SRPK1: variants seen among roughly 807,000 people sequenced by gnomAD.
SRPK1 encodes the protein SRSF protein kinase 1.
A neutral mutation model predicts 89.5 loss-of-function variants in SRPK1; 52 were observed. That is an observed-to-expected ratio of 0.58 (90% CI 0.46 to 0.73). The LOEUF is 0.73. Ranked by LOEUF, SRPK1 falls within the 30% of genes least tolerant of loss-of-function variation. The pLI is 0.00. For synonymous variants in SRPK1, 255 were observed against 270.2 expected (o/e 0.94, Z 0.55); for missense variants, 603 against 780.6 (o/e 0.77, Z 2.71).
chr6:35,920,343 C>T lies in SRPK1; in HGVS notation c.74+125G>A, dbSNP rs953999954. The T allele has an allele frequency of 4.0e-6, 4 of 1,009,170 alleles. No individual in the cohort carries two copies. The African/African-American group carries it at 6.4e-5, about 16-fold the overall frequency. 62.5% of individuals were successfully genotyped at this position (1,009,170 alleles called of 1,614,324 possible). ...TGCTGGAGAGCGACCCTCCGAGCTGCCCCGAGGCCATGTGGCTGCAGCCAC... is the reference window on the plus strand; with the variant it reads ...TGCTGGAGAGCGACCCTCCGAGCTGTCCCGAGGCCATGTGGCTGCAGCCAC... On this transcript the variant is annotated intron_variant, in intron 2 of 15. Transcript: ENST00000373825.
At chr6:35,886,598 C>T (rs1043434756) in intron 6 of SRPK1, 126 bp downstream of exon 6, 1 of 681,732 alleles carries the variant, frequency 1.5e-6, no homozygotes, top group African/African-American at 1.8e-5. Flanking sequence ...CAGAAGTGTA[C>T]AATAAAAGAG....
At chr6:35,884,515 C>T (rs765898851) in intron 6 of SRPK1, among the ~76,000 whole-genome samples, 1 of 152,160 alleles carries the variant, frequency 6.6e-6, no homozygotes, top group Non-Finnish European at 1.5e-5. Context: ...TGAGCCATTA[C>T]TAACCCTTAA....
intron 2 of SRPK1, among the ~76,000 whole-genome samples, chr6:35,904,414 T>G (rs547459677): frequency 6.6e-6 from 1 of 152,290 alleles, no homozygotes; most frequent in African/African-American, 2.4e-5. Context: ...TATTAATGCC[T>G]ACCTTTCACC....
intron 6 of SRPK1, among the ~76,000 whole-genome samples, chr6:35,880,742 A>AAAAAAAAG (rs1561983713): frequency 1.1e-4 from 3 of 28,166 alleles, no homozygotes; most frequent in Non-Finnish European, 1.7e-4. Context: ...AAAGAAAAAA[A>AAAAAAAAG]AAAAAAAAGA....
chr6:35,867,284 C>A (rs77178619), intron 12 of SRPK1, among the ~76,000 whole-genome samples: 1 of 152,142 alleles, frequency 6.6e-6, no homozygotes, highest in Admixed American at 6.5e-5. Context: ...GTGACCTGGA[C>A]CAGATGATAG....
intron 12 of SRPK1, among the ~76,000 whole-genome samples, chr6:35,868,333 CAT>C (rs1324890147): frequency 6.6e-6 from 1 of 152,118 alleles, no homozygotes; most frequent in Non-Finnish European, 1.5e-5. Flanking sequence ...CATCAAAAAA[CAT>C]ATAATTATTT....
rs1481525969 is a variant in SRPK1, at chr6:35,921,098, C to A, written c.-42G>T. The A allele has an allele frequency of 4.8e-6, 7 of 1,460,780 alleles. No homozygotes were observed. The highest frequency in any genetic ancestry group is 2.9e-5 in the East Asian group (1 of 34,312). 90.5% of individuals were successfully genotyped at this position (1,460,780 alleles called of 1,614,324 possible). ...GCCAGGCGCCTGCGCACTCGAGTGGCGGCGACTCCCGCTCCCGCCGCGGCC... is the reference window on the plus strand; with the variant it reads ...GCCAGGCGCCTGCGCACTCGAGTGGAGGCGACTCCCGCTCCCGCCGCGGCC... On this transcript the variant is annotated 5_prime_UTR_variant, in exon 1 of 16. Transcript: ENST00000373825.
rs112530314 is a variant in SRPK1 at position 35,856,801 on chromosome 6, G to A, written c.1620+460C>T. 1,478 of 153,838 alleles carry A rather than the reference G, an allele frequency of 9.6e-3. 17 individuals are homozygous for A. The highest frequency in any genetic ancestry group is 0.033 in the African/African-American group (1,357 of 41,618). 9.5% of individuals were successfully genotyped at this position (153,838 alleles called of 1,614,324 possible). A position where few individuals can be genotyped will look rare whatever the true frequency, so the allele number is the denominator to read the frequency against. On this transcript the variant is annotated intron_variant, in intron 13 of 15. Transcript: ENST00000373825. ...TGACCACTGGAACAGTTGCTTGCCA[G>A]AGGCAAAATAGCCATTTATGAATCT...
intron 13 of SRPK1, among the ~76,000 whole-genome samples, chr6:35,843,042 C>A (rs1348247477): frequency 6.6e-6 from 1 of 151,098 alleles, no homozygotes; most frequent in Non-Finnish European, 1.5e-5. Flanking sequence ...GGTCTCGGCT[C>A]ACTGCAAGCT....
At chr6:35,866,554 C>A (rs1396598464) in intron 12 of SRPK1, among the ~76,000 whole-genome samples, 1 of 151,832 alleles carries the variant, frequency 6.6e-6, no homozygotes, top group East Asian at 1.9e-4. Context: ...CCACTGCACT[C>A]CAGCCTGGGC....
intron 13 of SRPK1, among the ~76,000 whole-genome samples, chr6:35,847,591 G>T (rs191616885): frequency 1.3e-4 from 20 of 151,826 alleles, no homozygotes; most frequent in African/African-American, 4.6e-4. Context: ...AAAGTTGCAG[G>T]ATACAAAATC....
chr6:35,892,425 G>A (rs1206721321), intron 2 of SRPK1, among the ~76,000 whole-genome samples: 3 of 152,086 alleles, frequency 2.0e-5, no homozygotes, highest in South Asian at 2.1e-4. Flanking sequence ...GCTGAGGCAG[G>A]TAGATCATTT....
intron 14 of SRPK1, among the ~76,000 whole-genome samples, chr6:35,841,747 G>A (rs1337621833): frequency 1.4e-5 from 2 of 147,862 alleles, no homozygotes; most frequent in Non-Finnish European, 3.0e-5. Context: ...CAGGAGAATC[G>A]CTTGAACGAG....
chr6:35,870,315 C>G lies in SRPK1; in HGVS notation c.957G>C (p.Glu319Asp). Residue 319 changes from glutamate to aspartate, a missense_variant, in exon 10 of 16, where the codon GAG becomes GAC. Transcript: ENST00000373825. ...SESPVERPLK[E>D]NPPNKMTQEK... ...CTTGGGTCATTTTATTAGGTGGGTT[C>G]TCTTTCAAGGGTCTTTCAACAGGAC... The G allele has an allele frequency of 1.9e-6, 3 of 1,613,568 alleles. No homozygotes were observed. The highest frequency in any genetic ancestry group is 2.5e-6 in the Non-Finnish European group (3 of 1,179,756).
At chr6:35,905,376 A>G (rs1770829757) in intron 2 of SRPK1, among the ~76,000 whole-genome samples, 1 of 152,168 alleles carries the variant, frequency 6.6e-6, no homozygotes, top group Admixed American at 6.5e-5. Flanking sequence ...TCTTACTCAT[A>G]GTATGCTTCA....
At chr6:35,859,373 G>A (rs974272578) in intron 12 of SRPK1, among the ~76,000 whole-genome samples, 5 of 152,174 alleles carry the variant, frequency 3.3e-5, no homozygotes, top group South Asian at 2.1e-4. Flanking sequence ...CTGTGTACAC[G>A]CATGATTGAT....
At chr6:35,896,421 G>C (rs1047037479) in intron 2 of SRPK1, among the ~76,000 whole-genome samples, 1 of 152,160 alleles carries the variant, frequency 6.6e-6, no homozygotes, top group East Asian at 1.9e-4. Context: ...AAGTTATAAA[G>C]TAATCAAAAT....
At chr6:35,889,891 G>A (rs1770483107) in intron 3 of SRPK1, among the ~76,000 whole-genome samples, 1 of 149,964 alleles carries the variant, frequency 6.7e-6, no homozygotes, top group Non-Finnish European at 1.5e-5. Context: ...AAGGTCAGGA[G>A]ATCGAGACCA....
intron 2 of SRPK1, among the ~76,000 whole-genome samples, chr6:35,918,066 G>A (rs566941149): frequency 1.3e-5 from 2 of 152,280 alleles, no homozygotes; most frequent in South Asian, 4.1e-4. Context: ...CAGAAGTCAT[G>A]GAACAGAGTC....
Sources: gnomAD v4.1 joint callset for allele counts (sites outside exome capture counted in the v4.1 genomes callset) on GRCh38, gnomAD v4.1.1 for gene constraint, MANE v1.5 for transcripts, NCBI Gene and HGNC (gene_info 2026-07-23, HGNC 2026-07-21) for gene names.